LYRM4: variants seen among roughly 807,000 people sequenced by gnomAD.
LYRM4 encodes the protein LYR motif-containing protein 4.
A neutral mutation model predicts 11.7 loss-of-function variants in LYRM4; 9 were observed. The ratio of observed to expected loss-of-function variants is 0.77; its 90% confidence interval spans 0.46 to 1.34. The LOEUF is 1.34. Ranked by LOEUF, LYRM4 falls within the 40% of genes most tolerant of loss-of-function variation. The pLI is 0.00. For missense variants in LYRM4, 133 were observed against 112.5 expected (o/e 1.18, Z -0.82); for synonymous variants, 42 against 40.4 (o/e 1.04, Z -0.15).
At chr6:5,074,349 C>T in the LYRM4 span, among the ~76,000 whole-genome samples, 1 of 150,184 alleles carries the variant, frequency 6.7e-6, no homozygotes, top group African/African-American at 2.5e-5. Context: ...TGTAAATTGC[C>T]TCTGACTGGC....
the LYRM4 span, among the ~76,000 whole-genome samples, chr6:5,071,577 T>G: frequency 6.6e-6 from 1 of 151,920 alleles, no homozygotes; most frequent in Admixed American, 6.6e-5. Flanking sequence ...TATATGTATA[T>G]ATATGTGTAT....
intron 2 of LYRM4, among the ~76,000 whole-genome samples, chr6:5,120,015 C>G (rs1403946406): frequency 1.3e-5 from 2 of 152,004 alleles, no homozygotes; most frequent in African/African-American, 4.8e-5. Context: ...CTGCCTCAGC[C>G]TCCCGAGTAG....
chr6:5,089,691 TA>T, the LYRM4 span, among the ~76,000 whole-genome samples: 15 of 152,354 alleles, frequency 9.8e-5, no homozygotes, highest in East Asian at 2.1e-3. Context: ...GTATGGCTGC[TA>T]GGAAAGGAAA....
chr6:5,228,194 T>C (rs1581554033), intron 1 of LYRM4, among the ~76,000 whole-genome samples: 1 of 152,074 alleles, frequency 6.6e-6, no homozygotes, highest in East Asian at 1.9e-4. Flanking sequence ...ATGTAGTAAA[T>C]ATGGCAGAAA....
intron 1 of LYRM4, among the ~76,000 whole-genome samples, chr6:5,248,972 T>C (rs1246368376): frequency 6.6e-6 from 1 of 152,210 alleles, no homozygotes; most frequent in African/African-American, 2.4e-5. Flanking sequence ...ACAGAGTTCT[T>C]TGGATGACTA....
chr6:5,056,046 G>C, the LYRM4 span, among the ~76,000 whole-genome samples: 4 of 151,392 alleles, frequency 2.6e-5, no homozygotes, highest in Non-Finnish European at 5.9e-5. Context: ...ATGTTGCCCA[G>C]GCTGAAATGC....
chr6:5,219,946 C>T (rs1157544892), intron 1 of LYRM4, among the ~76,000 whole-genome samples: 1 of 152,106 alleles, frequency 6.6e-6, no homozygotes, highest in African/African-American at 2.4e-5. Flanking sequence ...AAGCAGCAGC[C>T]CCACAGCCAC....
intron 2 of LYRM4, among the ~76,000 whole-genome samples, chr6:5,164,734 C>T (rs1264265515): frequency 6.6e-6 from 1 of 152,018 alleles, no homozygotes; most frequent in Non-Finnish European, 1.5e-5. Context: ...TTGGGAGGCC[C>T]AGGCAGGCTG....
intron 2 of LYRM4, among the ~76,000 whole-genome samples, chr6:5,206,066 T>A (rs891166380): frequency 1.3e-5 from 2 of 152,236 alleles, no homozygotes; most frequent in Non-Finnish European, 2.9e-5. Flanking sequence ...ACACACTTGC[T>A]GGGAGATCTG....
intron 2 of LYRM4, among the ~76,000 whole-genome samples, chr6:5,185,691 G>A (rs1032000548): frequency 3.9e-5 from 6 of 152,306 alleles, no homozygotes; most frequent in South Asian, 2.1e-4. Flanking sequence ...GCAGAGATCT[G>A]AACCCAGGCT....
chr6:5,166,320 A>G (rs1315374504), intron 2 of LYRM4, among the ~76,000 whole-genome samples: 2 of 152,264 alleles, frequency 1.3e-5, no homozygotes, highest in African/African-American at 4.8e-5. Flanking sequence ...GTTACCTGAC[A>G]TGGCCATATC....
chr6:5,207,164 A>G (rs1280425593), intron 2 of LYRM4, among the ~76,000 whole-genome samples: 2 of 152,202 alleles, frequency 1.3e-5, no homozygotes, highest in Non-Finnish European at 2.9e-5. Flanking sequence ...TATCTCAGGG[A>G]GGAAAAAGCC....
the LYRM4 span, among the ~76,000 whole-genome samples, chr6:5,052,587 C>T: frequency 6.6e-6 from 1 of 152,164 alleles, no homozygotes; most frequent in Non-Finnish European, 1.5e-5. Context: ...TGTAAGCCAT[C>T]ATGTCTGGCC....
At chr6:5,066,473 T>G in the LYRM4 span, 2 of 764,064 alleles carry the variant, frequency 2.6e-6, no homozygotes, top group East Asian at 4.9e-5. Flanking sequence ...GAAAGAGCCC[T>G]TGAGAAGCCA....
the LYRM4 span, chr6:5,085,844 G>T: frequency 1.3e-6 from 2 of 1,529,378 alleles, no homozygotes; most frequent in Non-Finnish European, 8.7e-7. Flanking sequence ...GCACAGCTCG[G>T]CCCGGGCGGC....
the LYRM4 span, chr6:5,065,754 CAAATAAATA>C: frequency 3.9e-6 from 1 of 257,362 alleles, no homozygotes; most frequent in African/African-American, 2.3e-5. Flanking sequence ...TCATGGTTTC[CAAATAAATA>C]AACTGCTCCA....
In LYRM4 at chr6:5,260,865, G is replaced by C. The variant is rs1165596430; in HGVS notation, c.-132C>G. The C allele has an allele frequency of 2.0e-6, 3 of 1,467,002 alleles. No homozygotes were observed. In the Admixed American group the frequency reaches 7.1e-5, roughly 35 times the overall value. The allele number at this position is 1,467,002 out of a possible 1,614,324, so 90.9% of individuals were successfully genotyped here. Reference sequence around the variant, plus strand: ...GCGGCTCGGCTTTGCCAGCGGGCCGGGCCTAAGCCTAAGCGGGCAGCCCTG... The same window carrying C: ...GCGGCTCGGCTTTGCCAGCGGGCCGCGCCTAAGCCTAAGCGGGCAGCCCTG... On this transcript the variant is annotated 5_prime_UTR_variant, in exon 1 of 3. Coordinates refer to ENST00000330636, the MANE Select transcript of LYRM4 (RefSeq NM_020408.6).
chr6:5,112,727 G>T (rs965726452), intron 2 of LYRM4, among the ~76,000 whole-genome samples: 1 of 152,198 alleles, frequency 6.6e-6, no homozygotes, highest in Admixed American at 6.5e-5. Flanking sequence ...AGGACTAGAG[G>T]GATCTAGAAG....
At chr6:5,234,998 T>C (rs539905287) in intron 1 of LYRM4, among the ~76,000 whole-genome samples, 2 of 152,172 alleles carry the variant, frequency 1.3e-5, no homozygotes, top group African/African-American at 2.4e-5. Context: ...TTACCCATTC[T>C]ACTGCCTTGT....
Sources: allele counts gnomAD v4.1 joint callset (sites outside exome capture counted in the v4.1 genomes callset), GRCh38; gene constraint gnomAD v4.1.1; transcripts MANE v1.5; gene names NCBI Gene and HGNC (gene_info 2026-07-23, HGNC 2026-07-21).